GRM8: variants seen among roughly 807,000 people sequenced by gnomAD.
GRM8 encodes metabotropic glutamate receptor 8.
Under a neutral mutation model 87.2 loss-of-function variants are expected in GRM8, and 47 were observed. That is an observed-to-expected ratio of 0.54 (90% CI 0.43 to 0.69). The LOEUF (loss-of-function observed/expected upper bound fraction) is 0.69. Ranked by LOEUF, GRM8 falls within the 30% of genes least tolerant of loss-of-function variation. The pLI is 0.00. For synonymous variants in GRM8, 396 were observed against 404.5 expected (o/e 0.98, Z 0.25); for missense variants, 1,019 against 1,139.2 (o/e 0.89, Z 1.52).
chr7:126,762,342 T>C (rs1047951324), intron 7 of GRM8, among the ~76,000 whole-genome samples: 1 of 151,922 alleles, frequency 6.6e-6, no homozygotes, highest in Non-Finnish European at 1.5e-5. Context: ...GTATAATCTT[T>C]CCATTTAAAA....
intron 1 of GRM8, among the ~76,000 whole-genome samples, chr7:127,244,418 T>C (rs1288610164): frequency 6.6e-6 from 1 of 152,212 alleles, no homozygotes; most frequent in Non-Finnish European, 1.5e-5. Flanking sequence ...CAAAGCCTTT[T>C]TCCTACGGCC....
At chr7:126,885,850 T>C (rs1217810210) in intron 6 of GRM8, among the ~76,000 whole-genome samples, 1 of 152,178 alleles carries the variant, frequency 6.6e-6, no homozygotes, top group Non-Finnish European at 1.5e-5. Context: ...ATCCAATTTG[T>C]AATCACAATA....
In GRM8 at chr7:127,170,685, T is replaced by C. The variant is rs548198620; in HGVS notation, c.511-63973A>G. Among the ~76,000 whole-genome samples the C allele has an allele frequency of 2.0e-5, 3 of 152,308 alleles. No homozygotes were observed. In the South Asian group the frequency reaches 6.2e-4, roughly 32 times the overall value. ...ATAAACATGAAGAAAATAATGGCAT[T>C]TGGACCAACCTGAATGGGACTGGAG... is the stretch of plus-strand genomic sequence containing the variant. On this transcript the variant is annotated intron_variant, in intron 2 of 10. Coordinates refer to ENST00000339582, the MANE Select transcript of GRM8 (RefSeq NM_000845.3).
intron 7 of GRM8, among the ~76,000 whole-genome samples, chr7:126,732,986 A>C (rs1813773863): frequency 6.6e-6 from 1 of 152,118 alleles, no homozygotes; most frequent in African/African-American, 2.4e-5. Context: ...ACTTTCTTAA[A>C]ACATTAGGAA....
At chr7:126,844,489 T>G (rs1216727847) in intron 6 of GRM8, among the ~76,000 whole-genome samples, 1 of 152,234 alleles carries the variant, frequency 6.6e-6, no homozygotes, top group African/African-American at 2.4e-5. Flanking sequence ...TGATCTCTTT[T>G]AGTCCTCACA....
At chr7:127,003,874 T>G (rs2132051940) in intron 3 of GRM8, among the ~76,000 whole-genome samples, 1 of 151,692 alleles carries the variant, frequency 6.6e-6, no homozygotes, top group East Asian at 1.9e-4. Flanking sequence ...TGGTTAAGGG[T>G]TTTACCAACA....
At chr7:127,071,598 G>A (rs146335129) in intron 3 of GRM8, among the ~76,000 whole-genome samples, 1 of 152,226 alleles carries the variant, frequency 6.6e-6, no homozygotes, top group African/African-American at 2.4e-5. Flanking sequence ...TCAAAAGCTA[G>A]GTGGAAATAA....
At chr7:126,986,335 C>T (rs1352852712) in intron 3 of GRM8, among the ~76,000 whole-genome samples, 1 of 152,112 alleles carries the variant, frequency 6.6e-6, no homozygotes, top group African/African-American at 2.4e-5. Context: ...CTTTTATTAT[C>T]ATAACCTGCT....
chr7:127,173,049 A>G (rs765796489), intron 2 of GRM8, among the ~76,000 whole-genome samples: 76 of 152,340 alleles, frequency 5.0e-4, no homozygotes, highest in Admixed American at 2.2e-3. Context: ...TATTCATTCA[A>G]CAAATAACTA....
At chr7:127,017,758 T>C (rs1370627307) in intron 3 of GRM8, among the ~76,000 whole-genome samples, 1 of 152,014 alleles carries the variant, frequency 6.6e-6, no homozygotes, top group Non-Finnish European at 1.5e-5. Flanking sequence ...AATACTCATC[T>C]GAGAGAGGGG....
At chr7:127,104,023 A>T (rs1347981172) in intron 3 of GRM8, among the ~76,000 whole-genome samples, 1 of 152,210 alleles carries the variant, frequency 6.6e-6, no homozygotes, top group Non-Finnish European at 1.5e-5. Context: ...CTGTACAAGC[A>T]ATTTATCACT....
chr7:126,549,402 A>C lies in GRM8; in HGVS notation c.1495-15515T>G, dbSNP rs550356923. Among the ~76,000 whole-genome samples the C allele has an allele frequency of 3.3e-5, 5 of 152,230 alleles. No homozygotes were observed. The East Asian group carries it at 9.7e-4, about 29-fold the overall frequency. On this transcript the variant is annotated intron_variant, in intron 8 of 10. Coordinates refer to ENST00000339582, the MANE Select transcript of GRM8 (RefSeq NM_000845.3). Reference sequence around the variant, plus strand: ...CAATAAAATTCAAGCAAGGACCCCCACCCCTGACAAAATCATCTAGTAAAA... The same window carrying C: ...CAATAAAATTCAAGCAAGGACCCCCCCCCCTGACAAAATCATCTAGTAAAA...
chr7:127,238,288 T>C (rs1218202573), intron 2 of GRM8, among the ~76,000 whole-genome samples: 3 of 149,654 alleles, frequency 2.0e-5, no homozygotes, highest in Non-Finnish European at 4.4e-5. Flanking sequence ...TGTTAGCTGA[T>C]ATACGATGTG....
chr7:127,024,524 A>G (rs1302537886), intron 3 of GRM8, among the ~76,000 whole-genome samples: 3 of 152,040 alleles, frequency 2.0e-5, no homozygotes, highest in Non-Finnish European at 4.4e-5. Context: ...TGTCCTCTCC[A>G]TTCTTCATAT....
chr7:126,507,675 T>C (rs1052007814), intron 9 of GRM8, among the ~76,000 whole-genome samples: 10 of 152,106 alleles, frequency 6.6e-5, no homozygotes, highest in African/African-American at 2.4e-4. Context: ...CCTTTCACTA[T>C]TGGCAACATT....
At chr7:126,667,179 T>C (rs1186548918) in intron 7 of GRM8, among the ~76,000 whole-genome samples, 1 of 152,210 alleles carries the variant, frequency 6.6e-6, no homozygotes, top group Non-Finnish European at 1.5e-5. Flanking sequence ...GTATATACCA[T>C]TATTATTATC....
chr7:126,620,622 A>C (rs556514937), intron 7 of GRM8, among the ~76,000 whole-genome samples: 186 of 152,092 alleles, frequency 1.2e-3, no homozygotes, highest in Middle Eastern at 3.4e-3. Flanking sequence ...GTGTGATCTG[A>C]GTAAGTTACC....
intron 10 of GRM8, among the ~76,000 whole-genome samples, chr7:126,445,011 C>T (rs1415111592): frequency 1.4e-5 from 2 of 145,566 alleles, no homozygotes; most frequent in African/African-American, 5.0e-5. Context: ...AACAAACAAA[C>T]AAAATTAGCT....
chr7:126,767,739 C>CA (rs1818350878), intron 7 of GRM8, among the ~76,000 whole-genome samples: 1 of 151,950 alleles, frequency 6.6e-6, no homozygotes, highest in Admixed American at 6.6e-5. Context: ...TGATGAATAT[C>CA]CTGGAAATCA....
Sources: gnomAD v4.1 joint callset for allele counts (sites outside exome capture counted in the v4.1 genomes callset) on GRCh38, gnomAD v4.1.1 for gene constraint, MANE v1.5 for transcripts, NCBI Gene and HGNC (gene_info 2026-07-23, HGNC 2026-07-21) for gene names.